The following CNTN4 variants were observed in gnomAD, a reference collection of about 807,000 sequenced individuals.
CNTN4 encodes contactin 4.
CNTN4 carries 77 observed loss-of-function variants against 122.5 expected under a neutral mutation model. That is an observed-to-expected ratio of 0.63 (90% CI 0.52 to 0.76). The LOEUF is 0.76. Among genes scored for constraint, CNTN4 ranks in the 30% least tolerant of loss-of-function variants. The pLI, the probability that CNTN4 is intolerant of heterozygous loss-of-function variation, is 0.00. For missense variants in CNTN4, 1,256 were observed against 1,259.1 expected (o/e 1.00, Z 0.04); for synonymous variants, 512 against 447.0 (o/e 1.15, Z -1.83).
chr3:2,433,830 A>G (rs920865233), intron 3 of CNTN4, among the ~76,000 whole-genome samples: 2 of 152,136 alleles, frequency 1.3e-5, no homozygotes, highest in Non-Finnish European at 1.5e-5. Flanking sequence ...ATTTCATTCT[A>G]CTTGCGAGTG....
At chr3:2,640,253 C>T (rs2082842485) in intron 4 of CNTN4, among the ~76,000 whole-genome samples, 1 of 152,160 alleles carries the variant, frequency 6.6e-6, no homozygotes, top group African/African-American at 2.4e-5. Context: ...CAAACACCAA[C>T]ATATTATACA....
chr3:2,367,352 A>C (rs1159899741), intron 3 of CNTN4, among the ~76,000 whole-genome samples: 3 of 152,208 alleles, frequency 2.0e-5, no homozygotes, highest in Non-Finnish European at 4.4e-5. Flanking sequence ...TTGTAAGATT[A>C]AACTGCCCAC....
At chr3:2,177,600 T>C (rs1044874033) in intron 2 of CNTN4, among the ~76,000 whole-genome samples, 5 of 152,026 alleles carry the variant, frequency 3.3e-5, no homozygotes, top group Admixed American at 2.6e-4. Flanking sequence ...TATCTTAATA[T>C]GCTCTATATG....
At chr3:3,009,588 C>T (rs56662610) in intron 14 of CNTN4, among the ~76,000 whole-genome samples, 94,651 of 150,756 alleles carry the variant, frequency 0.63, 30,156 homozygotes, top group Middle Eastern at 0.74. Context: ...CGCCCGCCAC[C>T]ACGCCCGGCT....
intron 6 of CNTN4, among the ~76,000 whole-genome samples, chr3:2,764,282 T>C (rs2090737004): frequency 6.6e-6 from 1 of 152,204 alleles, no homozygotes; most frequent in Non-Finnish European, 1.5e-5. Context: ...CTATAATGTT[T>C]GTGACAAAGG....
At chr3:2,605,813 G>A (rs975709749) in intron 4 of CNTN4, among the ~76,000 whole-genome samples, 3 of 152,184 alleles carry the variant, frequency 2.0e-5, no homozygotes, top group East Asian at 1.9e-4. Context: ...TGGGGTTACA[G>A]CAGTTGGGTT....
intron 7 of CNTN4, among the ~76,000 whole-genome samples, chr3:2,829,069 C>G (rs1462415903): frequency 6.6e-6 from 1 of 152,162 alleles, no homozygotes; most frequent in Non-Finnish European, 1.5e-5. Flanking sequence ...GCGATCTTGT[C>G]TGTTGCCTCT....
Position 2,791,078 on chromosome 3 carries a change from G to A in CNTN4, c.359-28408G>A, listed in dbSNP as rs1012034933. 3.9e-5 allele frequency among the ~76,000 whole-genome samples: 6 copies of A among 152,146 alleles called. No individual in the cohort carries two copies. In the East Asian group the frequency reaches 7.7e-4, roughly 20 times the overall value. On this transcript the variant is annotated intron_variant, in intron 6 of 24. Coordinates refer to ENST00000418658, the MANE Select transcript of CNTN4 (RefSeq NM_175607.3). ...ACAAAGGCAGACCAAGATTTGAGTCGGCAGAATTTCAGTTTCCACAAGGAC... is the reference window on the plus strand; with the variant it reads ...ACAAAGGCAGACCAAGATTTGAGTCAGCAGAATTTCAGTTTCCACAAGGAC...
intron 12 of CNTN4, among the ~76,000 whole-genome samples, chr3:2,906,237 A>T (rs1051237648): frequency 2.2e-4 from 34 of 152,188 alleles, no homozygotes; most frequent in Non-Finnish European, 3.2e-4. Context: ...CTTCAGTTAG[A>T]TGGGACAAAT....
chr3:2,231,061 C>A (rs554275473), intron 2 of CNTN4, among the ~76,000 whole-genome samples: 2 of 152,028 alleles, frequency 1.3e-5, no homozygotes, highest in South Asian at 2.1e-4. Flanking sequence ...GTATTCACAC[C>A]AAAAAGTAAA....
At chr3:2,438,828 A>G (rs959923768) in intron 3 of CNTN4, among the ~76,000 whole-genome samples, 5 of 152,124 alleles carry the variant, frequency 3.3e-5, no homozygotes, top group African/African-American at 1.2e-4. Flanking sequence ...CAGGATATGA[A>G]GCCATTTCTG....
intron 3 of CNTN4, among the ~76,000 whole-genome samples, chr3:2,418,806 T>C (rs866936952): frequency 4.7e-4 from 72 of 152,330 alleles, no homozygotes; most frequent in Non-Finnish European, 7.1e-4. Flanking sequence ...TAAATCCATG[T>C]TGGCTTGCAT....
intron 3 of CNTN4, among the ~76,000 whole-genome samples, chr3:2,407,521 A>C (rs1430395102): frequency 6.6e-6 from 1 of 152,180 alleles, no homozygotes; most frequent in Non-Finnish European, 1.5e-5. Context: ...AAAAATCATA[A>C]AATAAAGGGA....
At chr3:2,787,612 A>G (rs928391346) in intron 6 of CNTN4, among the ~76,000 whole-genome samples, 2 of 152,184 alleles carry the variant, frequency 1.3e-5, no homozygotes, top group Admixed American at 6.5e-5. Context: ...CCCTGAATTC[A>G]GATTTAGTCT....
chr3:2,741,410 A>G (rs569138287), intron 5 of CNTN4, among the ~76,000 whole-genome samples: 2 of 152,238 alleles, frequency 1.3e-5, no homozygotes, highest in Non-Finnish European at 2.9e-5. Context: ...AGTGCATTCC[A>G]GAAAGTAAGA....
chr3:2,553,117 A>T (rs979306679), intron 3 of CNTN4, among the ~76,000 whole-genome samples: 1 of 152,174 alleles, frequency 6.6e-6, no homozygotes, highest in Non-Finnish European at 1.5e-5. Flanking sequence ...TTATTGATTA[A>T]ACACCACACA....
intron 2 of CNTN4, among the ~76,000 whole-genome samples, chr3:2,178,252 C>T (rs1006589980): frequency 6.6e-5 from 10 of 151,978 alleles, no homozygotes; most frequent in Non-Finnish European, 2.9e-5. Flanking sequence ...TTGCTCTACA[C>T]AAAGGTACAT....
chr3:2,810,689 T>C lies in CNTN4; in HGVS notation c.359-8797T>C, dbSNP rs116387089. Among the ~76,000 whole-genome samples, 611 of 152,390 alleles carry C rather than the reference T, an allele frequency of 4.0e-3. 5 individuals carry two copies. The highest frequency in any genetic ancestry group is 0.014 in the African/African-American group (570 of 41,600). ...AAACTCACATTTGAAGACTCCATAC[T>C]GCTCTTACTTACTTGTTAAGTGAAA... is the stretch of plus-strand genomic sequence containing the variant. On this transcript the variant is annotated intron_variant, in intron 6 of 24. Transcript: ENST00000418658.
In CNTN4 at chr3:2,858,896, C is replaced by A. The variant is rs888672993; in HGVS notation, c.455-7856C>A. Among the ~76,000 whole-genome samples the A allele has an allele frequency of 2.0e-5, 3 of 152,110 alleles. No individual in the cohort carries two copies. The East Asian group carries it at 5.8e-4, about 29-fold the overall frequency. ...ATTAACATGTTCATTACCTCACATA[C>A]CATTTTTTCTATGGCAAGAACTTTG... On this transcript the variant is annotated intron_variant, in intron 7 of 24. Transcript: ENST00000418658.
Sources: allele counts gnomAD v4.1 joint callset (sites outside exome capture counted in the v4.1 genomes callset), GRCh38; gene constraint gnomAD v4.1.1; transcripts MANE v1.5; gene names NCBI Gene and HGNC (gene_info 2026-07-23, HGNC 2026-07-21).